Variants in GPC5 observed in about 807,000 individuals in gnomAD.
The protein encoded by GPC5 is glypican 5.
Under a neutral mutation model 53.9 loss-of-function variants are expected in GPC5, and 47 were observed. The observed-to-expected ratio is 0.87, with a 90% CI of 0.69 to 1.11. GPC5 has a LOEUF of 1.11. Among genes scored for constraint, GPC5 ranks in the 50% most tolerant of loss-of-function variants. The probability of loss-of-function intolerance (pLI) is 0.00; values close to 1 mark genes in which losing one functional copy is unlikely to be tolerated. For synonymous variants in GPC5, 286 were observed against 263.3 expected, an observed-to-expected ratio of 1.09 and a Z score of -0.84; for missense variants, 748 against 713.1, an observed-to-expected ratio of 1.05 and a Z score of -0.56.
At chr13:92,417,342 A>G (rs918885870) in intron 7 of GPC5, among the ~76,000 whole-genome samples, 2 of 152,186 alleles carry the variant, frequency 1.3e-5, no homozygotes, top group Non-Finnish European at 2.9e-5. Flanking sequence ...ATATTCAAAA[A>G]GATAATAAAG....
At chr13:92,476,803 C>G (rs1483284119) in intron 7 of GPC5, among the ~76,000 whole-genome samples, 1 of 145,094 alleles carries the variant, frequency 6.9e-6, no homozygotes, top group Non-Finnish European at 1.5e-5. Context: ...AACAAAAAAC[C>G]AAACACCGCA....
chr13:92,220,087 T>C (rs2042437975), intron 7 of GPC5, among the ~76,000 whole-genome samples: 1 of 152,214 alleles, frequency 6.6e-6, no homozygotes, highest in Non-Finnish European at 1.5e-5. Flanking sequence ...AAATTAATAA[T>C]TGATGTTTAC....
At chr13:92,689,258 G>A (rs1887325436) in intron 7 of GPC5, among the ~76,000 whole-genome samples, 2 of 61,722 alleles carry the variant, frequency 3.2e-5, no homozygotes, top group African/African-American at 7.9e-5. Context: ...TCCTGTATTG[G>A]GTGCATAAAT....
intron 6 of GPC5, among the ~76,000 whole-genome samples, chr13:92,014,095 A>G (rs2040685854): frequency 1.3e-5 from 2 of 152,230 alleles, no homozygotes; most frequent in Admixed American, 1.3e-4. Context: ...TATAAATAGT[A>G]GATTCCAAGT....
At position 92,520,261 on chromosome 13, in the gene GPC5, C is replaced by T. The variant is rs539017717; in HGVS notation, c.1562-346021C>T. Among the ~76,000 whole-genome samples the T allele has an allele frequency of 1.5e-3, 233 of 152,236 alleles. 1 individual carries two copies. Among genetic ancestry groups the T allele is most frequent in the Non-Finnish European group, 2.6e-3 (180 of 68,008 alleles). ...TCCAATCAGTAGGAAAAAAGGGAATCCTCCCTAACTCATTTTAAGAGGCCA... is the reference window on the plus strand; with the variant it reads ...TCCAATCAGTAGGAAAAAAGGGAATTCTCCCTAACTCATTTTAAGAGGCCA... On this transcript the variant is annotated intron_variant, in intron 7 of 7. Coordinates refer to ENST00000377067, the MANE Select transcript of GPC5 (RefSeq NM_004466.6).
At chr13:91,785,176 T>C (rs193208) in intron 5 of GPC5, among the ~76,000 whole-genome samples, 1 of 151,988 alleles carries the variant, frequency 6.6e-6, no homozygotes, top group Non-Finnish European at 1.5e-5. Context: ...CTCAGGCTTT[T>C]GTTCTGTTCT....
At chr13:91,946,087 A>G (rs2039972117) in intron 6 of GPC5, among the ~76,000 whole-genome samples, 2 of 152,076 alleles carry the variant, frequency 1.3e-5, no homozygotes, top group South Asian at 4.1e-4. Context: ...ATCTAACCCC[A>G]CTAGGACTCC....
At chr13:92,059,239 T>G (rs1349960467) in intron 6 of GPC5, among the ~76,000 whole-genome samples, 1 of 151,408 alleles carries the variant, frequency 6.6e-6, no homozygotes, top group Admixed American at 6.6e-5. Context: ...GTCTCAACAA[T>G]GCAGCACACA....
chr13:92,833,865 G>T (rs535877026), intron 7 of GPC5, among the ~76,000 whole-genome samples: 170 of 152,290 alleles, frequency 1.1e-3, no homozygotes, highest in African/African-American at 4.0e-3. Flanking sequence ...ATATCCGTAA[G>T]AGTTAACGTT....
At chr13:91,657,648 T>A (rs1028085992) in intron 2 of GPC5, among the ~76,000 whole-genome samples, 1 of 152,066 alleles carries the variant, frequency 6.6e-6, no homozygotes, top group African/African-American at 2.4e-5. Context: ...AGAAGTGAGA[T>A]GCTAAACTCA....
intron 2 of GPC5, among the ~76,000 whole-genome samples, chr13:91,670,481 A>G (rs1321203161): frequency 6.6e-6 from 1 of 152,208 alleles, no homozygotes; most frequent in Non-Finnish European, 1.5e-5. Flanking sequence ...TGGGAGATAA[A>G]AATCAGAAAG....
At position 92,047,445 on chromosome 13, in the gene GPC5, T is replaced by A. The variant is rs867934230; in HGVS notation, c.1402-97385T>A. Among the ~76,000 whole-genome samples the A allele has an allele frequency of 6.4e-3, 969 of 151,252 alleles. 8 individuals carry two copies. The highest frequency in any genetic ancestry group is 0.02 in the African/African-American group (848 of 41,382). On this transcript the variant is annotated intron_variant, in intron 6 of 7. Coordinates refer to ENST00000377067, the MANE Select transcript of GPC5 (RefSeq NM_004466.6). ...TCTTTTTAAACTATATATATATATT[T>A]TTTTTTCCTTATTTCTATGATCATC...
At chr13:92,833,980 T>C (rs558891127) in intron 7 of GPC5, among the ~76,000 whole-genome samples, 1 of 152,306 alleles carries the variant, frequency 6.6e-6, no homozygotes, top group Non-Finnish European at 1.5e-5. Context: ...TGTTAAGTAG[T>C]AGGACAATAT....
chr13:91,850,728 C>G (rs1230953727), intron 5 of GPC5, among the ~76,000 whole-genome samples: 1 of 151,776 alleles, frequency 6.6e-6, no homozygotes, highest in Non-Finnish European at 1.5e-5. Context: ...TGTGACTTTT[C>G]AAGCTTCATT....
At chr13:92,710,615 G>A (rs902181310) in intron 7 of GPC5, among the ~76,000 whole-genome samples, 1 of 152,146 alleles carries the variant, frequency 6.6e-6, no homozygotes. Context: ...TCAAATTTTA[G>A]CATGCATGGA....
intron 1 of GPC5, among the ~76,000 whole-genome samples, chr13:91,403,719 T>G (rs1046184859): frequency 2.0e-5 from 3 of 152,222 alleles, no homozygotes; most frequent in Non-Finnish European, 4.4e-5. Flanking sequence ...CAGTCTGTGC[T>G]TTGATGTCTA....
chr13:91,494,292 A>T (rs1485183102), intron 2 of GPC5, among the ~76,000 whole-genome samples: 1 of 151,116 alleles, frequency 6.6e-6, no homozygotes, highest in Non-Finnish European at 1.5e-5. Flanking sequence ...TCTTAAGCAA[A>T]TTGTTCCAGG....
At chr13:91,897,784 G>A (rs2039458896) in intron 5 of GPC5, among the ~76,000 whole-genome samples, 1 of 152,102 alleles carries the variant, frequency 6.6e-6, no homozygotes, top group African/African-American at 2.4e-5. Flanking sequence ...CGTGACTGCT[G>A]TTCCCACTCT....
At chr13:92,742,796 A>T (rs1297141151) in intron 7 of GPC5, among the ~76,000 whole-genome samples, 1 of 152,124 alleles carries the variant, frequency 6.6e-6, no homozygotes, top group Non-Finnish European at 1.5e-5. Flanking sequence ...AGCTTTCTAC[A>T]TATGGCTAGC....
Sources: gnomAD v4.1 joint callset for allele counts (sites outside exome capture counted in the v4.1 genomes callset) on GRCh38, gnomAD v4.1.1 for gene constraint, MANE v1.5 for transcripts, NCBI Gene and HGNC (gene_info 2026-07-23, HGNC 2026-07-21) for gene names.